The following JMJD1C variants were observed in gnomAD, a reference collection of about 807,000 sequenced individuals.
JMJD1C encodes jumonji domain-containing protein 1C.
In JMJD1C, 31 loss-of-function variants were observed where a neutral mutation model predicts 245.3. That is an observed-to-expected ratio of 0.13 (90% CI 0.09 to 0.17). The LOEUF (loss-of-function observed/expected upper bound fraction) is 0.17. JMJD1C is among the 10% of genes least tolerant of loss of function. The pLI is 1.00. For synonymous variants in JMJD1C, 1,057 were observed against 1,017.4 expected (o/e 1.04, Z -0.74); for missense variants, 2,691 against 3,000.2 (o/e 0.90, Z 2.41).
intron 2 of JMJD1C, among the ~76,000 whole-genome samples, chr10:63,315,978 T>G (rs1478552547): frequency 6.6e-6 from 1 of 151,994 alleles, no homozygotes; most frequent in South Asian, 2.1e-4. Flanking sequence ...AAATAAGCCC[T>G]GGCAAAATAG....
rs567288828 is a variant in JMJD1C, at chr10:63,212,857, T to C, written c.2694+616A>G. Among the ~76,000 whole-genome samples, 6 of 151,048 alleles carry C rather than the reference T, an allele frequency of 4.0e-5. No individual in the cohort carries two copies. In the East Asian group the frequency reaches 1.2e-3, roughly 29 times the overall value. ...TATTATATATATTATAATTATTGCA[T>C]AATTATAATTATGTATAATTTTGTG... On this transcript the variant is annotated intron_variant, in intron 8 of 25. Transcript: ENST00000399262.
chr10:63,323,121 G>A (rs1455901475), intron 2 of JMJD1C, among the ~76,000 whole-genome samples: 4 of 152,128 alleles, frequency 2.6e-5, no homozygotes, highest in Non-Finnish European at 4.4e-5. Flanking sequence ...AAGAGTATGC[G>A]AGACAGTAAA....
intron 3 of JMJD1C, among the ~76,000 whole-genome samples, chr10:63,232,843 T>G (rs1850186367): frequency 6.6e-6 from 1 of 152,214 alleles, no homozygotes; most frequent in South Asian, 2.1e-4. Context: ...TGAAATAACA[T>G]TCCTGTGTCA....
rs1491043108 is a variant in JMJD1C at position 63,486,167 on chromosome 10, AAC to A, written n.113+35569_113+35570del. ...AAAAAAAAAAAAAAAAAAAAAAAAA[AAC>A]AAAAAACAGAAAACTTGAGAGAGCA... is the stretch of plus-strand genomic sequence containing the variant. On this transcript the variant is annotated intron_variant and non_coding_transcript_variant, in intron 1 of 3. Coordinates refer to the JMJD1C transcript ENST00000633035. 5.4e-3 allele frequency among the ~76,000 whole-genome samples: 206 copies of A among 38,376 alleles called. 2 individuals carry two copies. Among genetic ancestry groups the A allele is most frequent in the Admixed American group, 0.033 (137 of 4,146 alleles). The allele number at this position is 38,376 out of a possible 152,430, so 25.2% of individuals were successfully genotyped here.
At chr10:63,384,535 G>T (rs1458777573) in intron 1 of JMJD1C, among the ~76,000 whole-genome samples, 3 of 152,176 alleles carry the variant, frequency 2.0e-5, no homozygotes, top group Non-Finnish European at 4.4e-5. Context: ...TCAATGAGAA[G>T]TAATACTTTG....
rs1391624092 is a variant in JMJD1C, at chr10:63,213,555, T to C, written c.2612A>G (p.His871Arg). The C allele has an allele frequency of 1.1e-5, 17 of 1,613,816 alleles. No homozygotes were observed. The highest frequency in any genetic ancestry group is 2.2e-5 in the South Asian group (2 of 91,092). ...AGGCAAACCAAGTCCTGAGTATGCA[T>C]GTGTTCCATTTGGATACTGCCAAAT... Reference protein sequence around the residue: ...PIIWQYPNGTHAYSGLGLPSS... With the variant: ...PIIWQYPNGTRAYSGLGLPSS... Residue 871 changes from histidine (H) to arginine (R), a missense_variant, in exon 8 of 26, where the codon CAT becomes CGT. Coordinates refer to ENST00000399262, the MANE Select transcript of JMJD1C (RefSeq NM_032776.3).
In JMJD1C at chr10:63,427,342, G is replaced by A. The variant is rs1950502238; in HGVS notation, c.168+38153C>T. The A allele has an allele frequency of 1.4e-5, 15 of 1,088,012 alleles. No homozygotes were observed. In the South Asian group the frequency reaches 1.7e-4, roughly 12 times the overall value. 67.4% of individuals were successfully genotyped at this position (1,088,012 alleles called of 1,614,324 possible). A position where few individuals can be genotyped will look rare whatever the true frequency, so the allele number is the denominator to read the frequency against. ...CCAGGGCGTGCTCCAGAGTTCCTGG[G>A]ACCAAGTGTTCACCGCCTTCTGGCA... On this transcript the variant is annotated intron_variant, in intron 1 of 25. Transcript: ENST00000399262.
chr10:63,210,796 A>G (rs1043501379), intron 8 of JMJD1C, among the ~76,000 whole-genome samples: 1 of 152,226 alleles, frequency 6.6e-6, no homozygotes, highest in African/African-American at 2.4e-5. Context: ...CCTGCTTTCT[A>G]TTCTGGTAAA....
chr10:63,304,854 C>T (rs1216683535), intron 2 of JMJD1C, among the ~76,000 whole-genome samples: 1 of 152,134 alleles, frequency 6.6e-6, no homozygotes, highest in Non-Finnish European at 1.5e-5. Context: ...GACTAGGAGG[C>T]CAGGCACAGG....
At chr10:63,211,492 T>A (rs2133193024) in intron 8 of JMJD1C, among the ~76,000 whole-genome samples, 1 of 149,396 alleles carries the variant, frequency 6.7e-6, no homozygotes, top group East Asian at 2.0e-4. Flanking sequence ...AGTTTATCTA[T>A]CACAACTTGG....
At chr10:63,179,365 C>T (rs770528351) in intron 22 of JMJD1C, among the ~76,000 whole-genome samples, 48 of 151,036 alleles carry the variant, frequency 3.2e-4, no homozygotes, top group African/African-American at 1.0e-3. Flanking sequence ...GCCAAGATCA[C>T]GCCATTGCAC....
chr10:63,433,569 C>T (rs1564915531), intron 1 of JMJD1C, among the ~76,000 whole-genome samples: 2 of 138,652 alleles, frequency 1.4e-5, no homozygotes, highest in African/African-American at 5.0e-5. Flanking sequence ...AAACAATGTA[C>T]TCTTTTCTTT....
chr10:63,450,319 TA>T (rs1951970365), intron 1 of JMJD1C, among the ~76,000 whole-genome samples: 1 of 151,652 alleles, frequency 6.6e-6, no homozygotes, highest in Non-Finnish European at 1.5e-5. Flanking sequence ...GCCAGGGGTG[TA>T]AAAAAGGATA....
chr10:63,435,553 C>T (rs1005696733), intron 1 of JMJD1C, among the ~76,000 whole-genome samples: 3 of 151,986 alleles, frequency 2.0e-5, no homozygotes, highest in East Asian at 1.9e-4. Context: ...AATATTCTAC[C>T]GGCTCACAGT....
At chr10:63,423,475 A>T (rs967058887) in intron 1 of JMJD1C, among the ~76,000 whole-genome samples, 12 of 152,352 alleles carry the variant, frequency 7.9e-5, no homozygotes, top group Admixed American at 3.9e-4. Flanking sequence ...ATGTTGTATC[A>T]TGCCTCAGAA....
At chr10:63,202,716 C>G (rs2133101817) in intron 10 of JMJD1C, 1 of 985,382 alleles carries the variant, frequency 1.0e-6, no homozygotes, top group Non-Finnish European at 1.2e-6. Context: ...GGTATAAACC[C>G]ATTTCCAGAA....
intron 13 of JMJD1C, chr10:63,194,668 A>G (rs1845238444): frequency 3.8e-6 from 1 of 265,548 alleles, no homozygotes; most frequent in African/African-American, 2.2e-5. Flanking sequence ...ATTATTAGTG[A>G]CCTCTATCTT....
At chr10:63,174,407 T>G (rs913844468) in intron 24 of JMJD1C, among the ~76,000 whole-genome samples, 1 of 152,010 alleles carries the variant, frequency 6.6e-6, no homozygotes, top group Non-Finnish European at 1.5e-5. Context: ...CTCAAATACA[T>G]TAAGAAAAGC....
intron 10 of JMJD1C, 94 bp from the exon 11 acceptor site, chr10:63,200,771 G>A (rs1015801875): frequency 1.1e-5 from 12 of 1,074,594 alleles, no homozygotes; most frequent in Admixed American, 1.0e-4. Context: ...CAATTGTGAT[G>A]ATACGGTAAG....
Sources: allele counts gnomAD v4.1 joint callset (sites outside exome capture counted in the v4.1 genomes callset), GRCh38; gene constraint gnomAD v4.1.1; transcripts MANE v1.5; gene names NCBI Gene and HGNC (gene_info 2026-07-23, HGNC 2026-07-21).